The following RAVER2 variants were observed in gnomAD, a reference collection of about 807,000 sequenced individuals.
RAVER2 encodes ribonucleoprotein PTB-binding 2.
In RAVER2, 46 loss-of-function variants were observed where a neutral mutation model predicts 78.1. The observed-to-expected ratio is 0.59, with a 90% CI of 0.46 to 0.75. The LOEUF (loss-of-function observed/expected upper bound fraction) is 0.75. RAVER2 is among the 30% of genes least tolerant of loss of function. The probability of loss-of-function intolerance (pLI) is 0.00; values close to 1 mark genes in which losing one functional copy is unlikely to be tolerated. For synonymous variants in RAVER2, 311 were observed against 313.3 expected (o/e 0.99, Z 0.08); for missense variants, 793 against 837.5 (o/e 0.95, Z 0.66).
chr1:64,790,918 T>A (rs569788784), intron 5 of RAVER2, among the ~76,000 whole-genome samples: 5 of 152,316 alleles, frequency 3.3e-5, no homozygotes, highest in African/African-American at 1.2e-4. Flanking sequence ...CAATCTTCCA[T>A]ATGGCTGCCC....
At chr1:64,804,108 CCTT>C (rs1485254175) in intron 6 of RAVER2, among the ~76,000 whole-genome samples, 2 of 152,144 alleles carry the variant, frequency 1.3e-5, no homozygotes. Context: ...TCCTGCTGGT[CCTT>C]CTTCCTGGAA....
chr1:64,779,438 G>A (rs1385212621), intron 3 of RAVER2, among the ~76,000 whole-genome samples: 3 of 151,718 alleles, frequency 2.0e-5, no homozygotes, highest in African/African-American at 7.3e-5. Context: ...CTGGAATCAT[G>A]GCCCACAGTA....
intron 3 of RAVER2, among the ~76,000 whole-genome samples, chr1:64,780,213 CT>C (rs1409681952): frequency 6.6e-6 from 1 of 152,118 alleles, no homozygotes; most frequent in African/African-American, 2.4e-5. Flanking sequence ...AGCCTCTTAA[CT>C]TGTGGTCAAG....
chr1:64,795,054 T>C (rs1302997879), intron 5 of RAVER2, among the ~76,000 whole-genome samples: 1 of 152,116 alleles, frequency 6.6e-6, no homozygotes, highest in African/African-American at 2.4e-5. Context: ...TATTCTGGCA[T>C]CATTTGTTTA....
chr1:64,781,651 A>G (rs1242500343), intron 4 of RAVER2, 80 bp downstream of exon 4: 15 of 1,325,132 alleles, frequency 1.1e-5, no homozygotes, highest in Non-Finnish European at 1.5e-5. Flanking sequence ...GTCTAGCCAA[A>G]GTAATTGATT....
intron 11 of RAVER2, among the ~76,000 whole-genome samples, chr1:64,823,214 T>C (rs1428038496): frequency 6.6e-6 from 1 of 152,212 alleles, no homozygotes; most frequent in Non-Finnish European, 1.5e-5. Flanking sequence ...TCATTTAGTG[T>C]TTTAGAGATC....
intron 2 of RAVER2, among the ~76,000 whole-genome samples, chr1:64,773,547 A>G (rs1339593494): frequency 2.0e-5 from 3 of 152,200 alleles, no homozygotes; most frequent in Non-Finnish European, 2.9e-5. Flanking sequence ...TCCATGGTGT[A>G]TATGTGCCAC....
intron 11 of RAVER2, among the ~76,000 whole-genome samples, chr1:64,825,678 C>T (rs1259338849): frequency 6.6e-6 from 1 of 152,158 alleles, no homozygotes; most frequent in Non-Finnish European, 1.5e-5. Flanking sequence ...CAATTATTGA[C>T]ATGAGCTTAA....
At chr1:64,794,089 T>C (rs1245056871) in intron 5 of RAVER2, among the ~76,000 whole-genome samples, 3 of 152,146 alleles carry the variant, frequency 2.0e-5, no homozygotes, top group African/African-American at 7.2e-5. Flanking sequence ...CTGAGTCATA[T>C]GGTAGATATA....
chr1:64,792,765 GA>G (rs1652979489), intron 5 of RAVER2, among the ~76,000 whole-genome samples: 1 of 151,914 alleles, frequency 6.6e-6, no homozygotes, highest in African/African-American at 2.4e-5. Flanking sequence ...TTGATGTTGA[GA>G]AAAAAAGACA....
chr1:64,794,813 A>G (rs542725639), intron 5 of RAVER2, among the ~76,000 whole-genome samples: 3 of 152,140 alleles, frequency 2.0e-5, no homozygotes, highest in South Asian at 4.1e-4. Flanking sequence ...AAAATTTTTT[A>G]TTTTGACAAA....
At chr1:64,773,038 T>C (rs1207563865) in intron 2 of RAVER2, among the ~76,000 whole-genome samples, 2 of 152,020 alleles carry the variant, frequency 1.3e-5, no homozygotes, top group Non-Finnish European at 2.9e-5. Flanking sequence ...GAAAGGGGGA[T>C]GGATTCAAGA....
In RAVER2 at chr1:64,752,636, A is replaced by G. The variant is rs544738609; in HGVS notation, c.249+7215A>G. Among the ~76,000 whole-genome samples, 20 of 152,224 alleles carry G rather than the reference A, an allele frequency of 1.3e-4. No homozygotes were observed. In the South Asian group the frequency reaches 3.9e-3, roughly 30 times the overall value. ...CAACTGTATGATTTGGGTGGATTTC[A>G]TCTCTATCCCCATCTGTAGGGGTGA... On this transcript the variant is annotated intron_variant, in intron 1 of 11. Coordinates refer to ENST00000294428, the Ensembl canonical transcript of RAVER2.
intron 4 of RAVER2, among the ~76,000 whole-genome samples, chr1:64,784,907 A>G (rs1363942009): frequency 6.6e-6 from 1 of 151,890 alleles, no homozygotes; most frequent in East Asian, 1.9e-4. Flanking sequence ...TTCACTCAGG[A>G]TCTCATCTTT....
intron 11 of RAVER2, among the ~76,000 whole-genome samples, chr1:64,817,760 G>A (rs187440201): frequency 7.4e-6 from 1 of 135,738 alleles, no homozygotes; most frequent in Non-Finnish European, 1.6e-5. Context: ...TCGTGGGGTG[G>A]GGGGAGGGGC....
At chr1:64,766,169 ATTAAC>A (rs1436863793) in intron 1 of RAVER2, among the ~76,000 whole-genome samples, 3 of 152,314 alleles carry the variant, frequency 2.0e-5, no homozygotes, top group African/African-American at 4.8e-5. Context: ...ACCAATTTTT[ATTAAC>A]TTAACTTGAC....
chr1:64,826,721 A>C (rs1654011571), intron 11 of RAVER2, among the ~76,000 whole-genome samples: 1 of 152,206 alleles, frequency 6.6e-6, no homozygotes. Context: ...TGTGTTAAAT[A>C]ATGAATGTAG....
rs1328268712 is a variant in RAVER2 at position 64,812,861 on chromosome 1, C to G, written c.1792+12C>G. 1 of 1,533,740 alleles carries G rather than the reference C, an allele frequency of 6.5e-7. No homozygotes were observed. The highest frequency in any genetic ancestry group is 8.9e-7 in the Non-Finnish European group (1 of 1,126,264). ...TGTGTGCTTATCATGTAAGTAGGGG[C>G]TCAGTATTCTTGTTGTGGAGTTTTA... On this transcript the variant is annotated intron_variant, in intron 10 of 11. Coordinates refer to ENST00000294428, the Ensembl canonical transcript of RAVER2.
At chr1:64,763,915 A>AAAACACACAC (rs752884983) in intron 1 of RAVER2, among the ~76,000 whole-genome samples, 1 of 75,252 alleles carries the variant, frequency 1.3e-5, no homozygotes, top group Admixed American at 1.5e-4. Context: ...AAAAAACAAA[A>AAAACACACAC]ATACACACAC....
Sources: allele counts gnomAD v4.1 joint callset (sites outside exome capture counted in the v4.1 genomes callset), GRCh38; gene constraint gnomAD v4.1.1; transcripts MANE v1.5; gene names NCBI Gene and HGNC (gene_info 2026-07-23, HGNC 2026-07-21).